UTRN: variants seen among roughly 807,000 people sequenced by gnomAD.
The protein encoded by UTRN is dystrophin-related protein 1.
UTRN carries 283 observed loss-of-function variants against 463.9 expected under a neutral mutation model. The ratio of observed to expected loss-of-function variants is 0.61; its 90% CI spans 0.55 to 0.67. The LOEUF is 0.67. UTRN is among the 30% of genes least tolerant of loss of function. The probability of loss-of-function intolerance (pLI) is 0.00; values close to 1 mark genes in which losing one functional copy is unlikely to be tolerated. For missense variants in UTRN, 3,922 were observed against 4,084.3 expected (o/e 0.96, Z 1.08); for synonymous variants, 1,442 against 1,431.5 (o/e 1.01, Z -0.17).
intron 58 of UTRN, among the ~76,000 whole-genome samples, chr6:144,764,114 TG>T (rs1265396315): frequency 1.3e-5 from 2 of 152,312 alleles, no homozygotes; most frequent in African/African-American, 4.8e-5. Flanking sequence ...TAAAACTCAC[TG>T]GGCCAAGTCT....
chr6:144,492,275 T>G (rs1793144573), intron 32 of UTRN, among the ~76,000 whole-genome samples: 1 of 152,212 alleles, frequency 6.6e-6, no homozygotes, highest in Admixed American at 6.5e-5. Context: ...ACATTTAGTA[T>G]TTGGTTTTCT....
At chr6:144,769,797 A>C (rs936184267) in intron 58 of UTRN, among the ~76,000 whole-genome samples, 2 of 152,158 alleles carry the variant, frequency 1.3e-5, no homozygotes, top group Non-Finnish European at 2.9e-5. Flanking sequence ...AGAAGACAAG[A>C]GATCAATGAA....
chr6:144,560,794 G>A (rs563405393), intron 50 of UTRN, among the ~76,000 whole-genome samples: 1 of 151,996 alleles, frequency 6.6e-6, no homozygotes, highest in South Asian at 2.1e-4. Flanking sequence ...TATTTATTCT[G>A]GTTAGTATGA....
At position 144,577,058 on chromosome 6, in the gene UTRN, C is replaced by T. The variant is rs192187204; in HGVS notation, c.7290-41C>T. 16 of 1,589,714 alleles carry T rather than the reference C, an allele frequency of 1.0e-5. No homozygotes were observed. The African/African-American group carries it at 1.9e-4, about 19-fold the overall frequency. ...ATGCGTGATGTGGAATGTCACAACA[C>T]TGTAAGTAATGGAGCCGTGCTGTCA... On this transcript the variant is annotated intron_variant, in intron 50 of 74. Transcript: ENST00000367545.
intron 54 of UTRN, among the ~76,000 whole-genome samples, chr6:144,732,686 ATGTTATGTT>A (rs1330101759): frequency 6.0e-5 from 9 of 150,602 alleles, no homozygotes; most frequent in Non-Finnish European, 1.3e-4. Context: ...ATGTTATGTT[ATGTTATGTT>A]ATGTTATGTT....
At position 144,421,921 on chromosome 6, in the gene UTRN, A is replaced by G. The variant is rs374425629; in HGVS notation, c.185A>G (p.Asp62Gly). The G allele has an allele frequency of 6.2e-7, 1 of 1,612,970 alleles. No individual in the cohort carries two copies. The highest frequency in any genetic ancestry group is 8.5e-7 in the Non-Finnish European group (1 of 1,179,556). ...PINDMFTDLK[D>G]GRKLLDLLEG... ...AATGATATGTTCACAGACCTCAAAG[A>G]TGGAAGGAAGCTATTGGATCTTCTA... Residue 62 changes from aspartate (D) to glycine (G), a missense_variant, in exon 4 of 75, where the codon GAT becomes GGT. By Grantham distance (94) the Asp-to-Gly change is moderately conservative. This residue lies in a region of UTRN where 264 missense variants were observed against 327.9 expected (regional missense o/e 0.81). Transcript: ENST00000367545.
At chr6:144,311,143 A>G (rs1276580893) in intron 2 of UTRN, among the ~76,000 whole-genome samples, 1 of 152,258 alleles carries the variant, frequency 6.6e-6, no homozygotes, top group Admixed American at 6.5e-5. Flanking sequence ...CTTTCTTCAG[A>G]TTACTAAGCA....
chr6:144,297,769 A>T (rs2473136), intron 2 of UTRN, among the ~76,000 whole-genome samples: 18,790 of 152,206 alleles, frequency 0.12, 1,411 homozygotes, highest in African/African-American at 0.22. Context: ...ATGCTGAAGT[A>T]GTGCAATCAT....
intron 58 of UTRN, among the ~76,000 whole-genome samples, chr6:144,765,885 AT>A (rs139005658): frequency 0.066 from 9,862 of 150,494 alleles, 416 homozygotes; most frequent in Non-Finnish European, 0.095. Flanking sequence ...TTTGGACAGA[AT>A]TTTTTTTTTC....
intron 12 of UTRN, 102 bp from the exon 13 acceptor site, chr6:144,440,250 A>G: frequency 1.7e-6 from 2 of 1,172,846 alleles, no homozygotes; most frequent in Non-Finnish European, 2.5e-6. Flanking sequence ...TTTAAATATG[A>G]TGCCTCATTA....
chr6:144,459,090 C>A, intron 20 of UTRN, 79 bp downstream of exon 20: 2 of 1,564,188 alleles, frequency 1.3e-6, no homozygotes, highest in Non-Finnish European at 1.7e-6. Flanking sequence ...GTATCATGAA[C>A]TTTAAGTTAA....
chr6:144,769,483 C>A (rs186502591), intron 58 of UTRN, among the ~76,000 whole-genome samples: 1 of 152,130 alleles, frequency 6.6e-6, no homozygotes, highest in Non-Finnish European at 1.5e-5. Flanking sequence ...GTGTGTGTTC[C>A]GTCAGCTCTC....
At chr6:144,302,876 C>T (rs905148729) in intron 2 of UTRN, among the ~76,000 whole-genome samples, 1 of 152,148 alleles carries the variant, frequency 6.6e-6, no homozygotes, top group East Asian at 1.9e-4. Flanking sequence ...GAGAAAAGAG[C>T]AAGGCATTTG....
intron 53 of UTRN, among the ~76,000 whole-genome samples, chr6:144,717,490 A>C (rs2128706799): frequency 6.6e-6 from 1 of 152,254 alleles, no homozygotes; most frequent in Non-Finnish European, 1.5e-5. Flanking sequence ...TCACAAAAAA[A>C]CCGCTGCATT....
Position 144,477,734 on chromosome 6 carries a change from A to G in UTRN, c.3337-2078A>G, listed in dbSNP as rs563983073. On this transcript the variant is annotated intron_variant, in intron 25 of 74. Transcript: ENST00000367545. Reference sequence around the variant, plus strand: ...ATGTTATACTCTCATCTCTTATCCTAGCTAAATTCAAATTTTTCTCAATGT... The same window carrying G: ...ATGTTATACTCTCATCTCTTATCCTGGCTAAATTCAAATTTTTCTCAATGT... 1.4e-3 allele frequency among the ~76,000 whole-genome samples: 217 copies of G among 152,280 alleles called. 2 individuals are homozygous for G. The highest frequency in any genetic ancestry group is 4.9e-3 in the African/African-American group (203 of 41,558).
chr6:144,533,347 T>A, intron 43 of UTRN, 87 bp downstream of exon 43: 1 of 1,518,582 alleles, frequency 6.6e-7, no homozygotes, highest in African/African-American at 1.4e-5. Flanking sequence ...AGTTCTTTTA[T>A]TGTTTGACAT....
chr6:144,535,691 A>G (rs1012030408), intron 43 of UTRN, among the ~76,000 whole-genome samples: 29 of 152,176 alleles, frequency 1.9e-4, no homozygotes, highest in African/African-American at 5.8e-4. Context: ...GTTGTTAACA[A>G]AGTAATTGAG....
intron 58 of UTRN, among the ~76,000 whole-genome samples, chr6:144,768,084 T>C (rs1793563013): frequency 6.6e-6 from 1 of 152,180 alleles, no homozygotes; most frequent in African/African-American, 2.4e-5. Flanking sequence ...TGCCCAGAAA[T>C]CAAGATTTTA....
At chr6:144,289,625 G>T in intron 1 of UTRN, among the ~76,000 whole-genome samples, 1 of 150,246 alleles carries the variant, frequency 6.7e-6, no homozygotes, top group East Asian at 2.0e-4. Context: ...CCTAGACCCA[G>T]ATGCCCTTTA....
Sources: allele counts gnomAD v4.1 joint callset (sites outside exome capture counted in the v4.1 genomes callset), GRCh38; gene constraint gnomAD v4.1.1; regional missense constraint gnomAD v4.1.1; transcripts MANE v1.5; gene names NCBI Gene and HGNC (gene_info 2026-07-23, HGNC 2026-07-21).